Variants in CTNNA1 observed in about 807,000 individuals in gnomAD.
The protein encoded by CTNNA1 is catenin alpha 1.
A neutral mutation model predicts 98.4 loss-of-function variants in CTNNA1; 37 were observed. The observed-to-expected ratio is 0.38, with a 90% CI of 0.29 to 0.49. The LOEUF is 0.49. CTNNA1 is among the 20% of genes least tolerant of loss of function. CTNNA1 has a pLI of 0.95. For missense variants in CTNNA1, 761 were observed against 1,147.2 expected (o/e 0.66, Z 4.86); for synonymous variants, 404 against 413.2 (o/e 0.98, Z 0.27).
chr5:138,905,903 G>A (rs1016043267), intron 10 of CTNNA1, among the ~76,000 whole-genome samples: 5 of 152,200 alleles, frequency 3.3e-5, no homozygotes, highest in African/African-American at 1.2e-4. Context: ...AGAAGGCAGT[G>A]GCCTCAAATA....
intron 7 of CTNNA1, among the ~76,000 whole-genome samples, chr5:138,879,160 G>C (rs1190847771): frequency 8.6e-6 from 1 of 115,786 alleles, no homozygotes; most frequent in Non-Finnish European, 1.7e-5. Context: ...GACAGAGTGA[G>C]ACTCCGTCTT....
At chr5:138,857,396 GCCTTCTCTGTAC>G (rs1763819839) in intron 7 of CTNNA1, among the ~76,000 whole-genome samples, 1 of 152,004 alleles carries the variant, frequency 6.6e-6, no homozygotes, top group South Asian at 2.1e-4. Context: ...ACTGGCTCTG[GCCTTCTCTGTAC>G]CCAGCCATAT....
Position 138,934,870 on chromosome 5 carries a change from A to G in CTNNA1, c.*781A>G, listed in dbSNP as rs1766210526. 6.6e-6 allele frequency: 1 copy of G among 152,106 alleles called. No homozygotes were observed. The highest frequency in any genetic ancestry group is 1.9e-4 in the East Asian group (1 of 5,194). The allele number at this position is 152,106 out of a possible 1,614,324, so 9.4% of individuals were successfully genotyped here. On this transcript the variant is annotated 3_prime_UTR_variant, in exon 18 of 18. Coordinates refer to ENST00000302763, the MANE Select transcript of CTNNA1 (RefSeq NM_001903.5). ...CAACATAGTGTTTGCTAAGGCAGTAATTTAGACTTTACCTTATTTGTGATT... is the reference window on the plus strand; with the variant it reads ...CAACATAGTGTTTGCTAAGGCAGTAGTTTAGACTTTACCTTATTTGTGATT...
At chr5:138,820,490 A>ATG (rs1371506259) in intron 5 of CTNNA1, among the ~76,000 whole-genome samples, 3 of 152,034 alleles carry the variant, frequency 2.0e-5, no homozygotes, top group Non-Finnish European at 4.4e-5. Context: ...TGAGGTCTGT[A>ATG]TGTGTCCAAG....
intron 3 of CTNNA1, among the ~76,000 whole-genome samples, 186 bp downstream of exon 3, chr5:138,783,558 G>T (rs1337092191): frequency 2.6e-5 from 4 of 152,028 alleles, no homozygotes; most frequent in Admixed American, 1.3e-4. Context: ...ATGCTTGCCA[G>T]TTGCTCAGTA....
intron 3 of CTNNA1, among the ~76,000 whole-genome samples, chr5:138,790,222 G>C (rs1756203931): frequency 6.6e-6 from 1 of 152,186 alleles, no homozygotes; most frequent in Non-Finnish European, 1.5e-5. Flanking sequence ...ACTGCCAGCA[G>C]GGCCTGTGCA....
intron 1 of CTNNA1, among the ~76,000 whole-genome samples, chr5:138,756,382 G>A (rs144162825): frequency 1.3e-5 from 2 of 151,902 alleles, no homozygotes; most frequent in African/African-American, 4.8e-5. Context: ...GGTGAGTCTG[G>A]TCTTTAACTC....
intron 4 of CTNNA1, among the ~76,000 whole-genome samples, chr5:138,811,100 G>A (rs1212431222): frequency 1.3e-5 from 2 of 151,894 alleles, no homozygotes; most frequent in Admixed American, 6.5e-5. Flanking sequence ...GCCGGGCGGA[G>A]GGGCTCCTCA....
chr5:138,757,778 T>C (rs1003215719), intron 1 of CTNNA1, among the ~76,000 whole-genome samples: 2 of 152,194 alleles, frequency 1.3e-5, no homozygotes, highest in East Asian at 1.9e-4. Flanking sequence ...GCAAATTAGA[T>C]GCTTGTTGAG....
At chr5:138,809,649 G>A (rs2149725717) in intron 3 of CTNNA1, among the ~76,000 whole-genome samples, 1 of 152,092 alleles carries the variant, frequency 6.6e-6, no homozygotes. Context: ...CCCTGTTTCT[G>A]TATTCTATGG....
chr5:138,791,337 G>T (rs1375296910), intron 3 of CTNNA1, among the ~76,000 whole-genome samples: 2 of 151,842 alleles, frequency 1.3e-5, no homozygotes, highest in Admixed American at 6.6e-5. Context: ...AAAAAATGTC[G>T]GCCGGGTGCG....
At chr5:138,887,747 A>G (rs768147113) in intron 9 of CTNNA1, 105 bp downstream of exon 9, 23 of 885,064 alleles carry the variant, frequency 2.6e-5, no homozygotes, top group Non-Finnish European at 3.5e-5. Context: ...CTCGCTTAAC[A>G]TACAACATGT....
intron 7 of CTNNA1, among the ~76,000 whole-genome samples, chr5:138,882,049 A>G (rs1470987013): frequency 6.6e-6 from 1 of 152,232 alleles, no homozygotes; most frequent in Non-Finnish European, 1.5e-5. Context: ...TATCTTTTAA[A>G]TGTGTCTCTA....
intron 1 of CTNNA1, among the ~76,000 whole-genome samples, chr5:138,758,850 C>T (rs1334595785): frequency 4.6e-5 from 7 of 151,738 alleles, no homozygotes; most frequent in East Asian, 1.9e-4. Context: ...TCTCGTTGCC[C>T]GGACTGGAGT....
At chr5:138,868,144 G>A (rs973432423) in intron 7 of CTNNA1, among the ~76,000 whole-genome samples, 18 of 152,242 alleles carry the variant, frequency 1.2e-4, no homozygotes, top group African/African-American at 3.9e-4. Context: ...GTATTATTTT[G>A]ACTGACGGTA....
chr5:138,776,401 T>C (rs545193347), intron 1 of CTNNA1, among the ~76,000 whole-genome samples: 2 of 152,318 alleles, frequency 1.3e-5, no homozygotes, highest in East Asian at 3.9e-4. Flanking sequence ...AGAATAATTT[T>C]TCTTAGTACA....
At chr5:138,794,874 G>T (rs1432505904) in intron 3 of CTNNA1, among the ~76,000 whole-genome samples, 1 of 152,194 alleles carries the variant, frequency 6.6e-6, no homozygotes, top group Non-Finnish European at 1.5e-5. Context: ...GATGAAAATA[G>T]TTATCAGGCC....
intron 3 of CTNNA1, among the ~76,000 whole-genome samples, chr5:138,804,104 T>A (rs1757847223): frequency 1.3e-5 from 2 of 152,246 alleles, no homozygotes; most frequent in Non-Finnish European, 2.9e-5. Context: ...TGCAAGGCAC[T>A]GAACTAGGCA....
intron 1 of CTNNA1, among the ~76,000 whole-genome samples, chr5:138,764,275 A>G (rs1380775584): frequency 6.6e-6 from 1 of 152,012 alleles, no homozygotes; most frequent in African/African-American, 2.4e-5. Context: ...CTGAGGCAGA[A>G]GAATCCCTTG....
Sources: gnomAD v4.1 joint callset for allele counts (sites outside exome capture counted in the v4.1 genomes callset) on GRCh38, gnomAD v4.1.1 for gene constraint, MANE v1.5 for transcripts, NCBI Gene and HGNC (gene_info 2026-07-23, HGNC 2026-07-21) for gene names.